NPAS1: variants seen among roughly 807,000 people sequenced by gnomAD.
NPAS1 encodes neuronal PAS domain protein 1, also known as neuronal PAS domain-containing protein 1.
NPAS1 carries 29 observed loss-of-function variants against 49.2 expected under a neutral mutation model. The observed-to-expected ratio is 0.59, with a 90% CI of 0.44 to 0.80. The LOEUF is 0.80. Ranked by LOEUF, NPAS1 falls within the 30% of genes least tolerant of loss-of-function variation. The pLI, the probability that NPAS1 is intolerant of heterozygous loss-of-function variation, is 0.00. For missense variants in NPAS1, 825 were observed against 835.5 expected (o/e 0.99, Z 0.15); for synonymous variants, 408 against 380.4 (o/e 1.07, Z -0.84).
At chr19:47,020,950 C>T (rs1392223116) in intron 1 of NPAS1, 56 bp from the exon 2 acceptor site, 2 of 881,142 alleles carry the variant, frequency 2.3e-6, no homozygotes, top group Non-Finnish European at 3.2e-6. Flanking sequence ...ATCTCAGTTT[C>T]CCTAGAAGGT....
At chr19:47,020,617 G>C (rs1462072382) in intron 1 of NPAS1, among the ~76,000 whole-genome samples, 1 of 151,786 alleles carries the variant, frequency 6.6e-6, no homozygotes, top group Admixed American at 6.6e-5. Context: ...AGAGGGCTCC[G>C]GGGGCTGGGG....
At position 47,043,788 on chromosome 19, in the gene NPAS1, G is replaced by C. The variant is rs181331070; in HGVS notation, c.1312+884G>C. On this transcript the variant is annotated intron_variant, in intron 11 of 11. Transcript: ENST00000602212. ...ATAAAATAAAATAAAATCCAGGCCC[G>C]GTGTGGTGGCTTATGCCTGTAAACC... Among the ~76,000 whole-genome samples, 25 of 151,998 alleles carry C rather than the reference G, an allele frequency of 1.6e-4. No individual in the cohort carries two copies. In the East Asian group the frequency reaches 4.8e-3, roughly 29 times the overall value.
rs189758300 is a variant in NPAS1, at chr19:47,025,290, T to A, written c.358+3443T>A. 2.8e-4 allele frequency among the ~76,000 whole-genome samples: 38 copies of A among 134,280 alleles called. 10 individuals are homozygous for A. In the East Asian group the frequency reaches 9.8e-3, roughly 34 times the overall value. The allele number at this position is 134,280 out of a possible 152,430, so 88.1% of individuals were successfully genotyped here. A position where few individuals can be genotyped will look rare whatever the true frequency, so the allele number is the denominator to read the frequency against. On this transcript the variant is annotated intron_variant, in intron 3 of 11. Transcript: ENST00000602212. ...AGGAGGGGTGACATCTTTATTTATT[T>A]ATTTATAGACGGAGTTTTGCTCTTG... is the stretch of plus-strand genomic sequence containing the variant.
rs2056912344 is a variant in NPAS1, at chr19:47,032,362, C to T, written c.432+11C>T. ...GGTCACATCTTGCAGGTGAGTGAGGCCCCTTCCCTGCCTGCCGCTCCTTGC... is the reference window on the plus strand; with the variant it reads ...GGTCACATCTTGCAGGTGAGTGAGGTCCCTTCCCTGCCTGCCGCTCCTTGC... On this transcript the variant is annotated intron_variant, in intron 4 of 11. Transcript: ENST00000602212. 6.2e-7 allele frequency: 1 copy of T among 1,613,364 alleles called. No homozygotes were observed. Among genetic ancestry groups the T allele is most frequent in the Non-Finnish European group, 8.5e-7 (1 of 1,179,480 alleles).
chr19:47,025,092 G>A lies in NPAS1; in HGVS notation c.358+3245G>A, dbSNP rs548180817. 8.2e-5 allele frequency among the ~76,000 whole-genome samples: 11 copies of A among 134,154 alleles called. 2 individuals are homozygous for A. Among genetic ancestry groups the A allele is most frequent in the Non-Finnish European group, 1.7e-4 (10 of 59,388 alleles). 88.0% of individuals were successfully genotyped at this position (134,154 alleles called of 152,430 possible). A position where few individuals can be genotyped will look rare whatever the true frequency, so the allele number is the denominator to read the frequency against. On this transcript the variant is annotated intron_variant, in intron 3 of 11. Transcript: ENST00000602212. Reference sequence around the variant, plus strand: ...ATTGCAGGCGTGAGGCGCCGTGCCCGGCTTTTACAGCCTTCTTTCTTCCCA... The same window carrying A: ...ATTGCAGGCGTGAGGCGCCGTGCCCAGCTTTTACAGCCTTCTTTCTTCCCA...
intron 6 of NPAS1, among the ~76,000 whole-genome samples, chr19:47,038,619 G>A (rs143216362): frequency 1.3e-5 from 2 of 151,940 alleles, no homozygotes; most frequent in African/African-American, 2.4e-5. Flanking sequence ...TTGAAGTCAG[G>A]AGTTCAAAAC....
At position 47,041,083 on chromosome 19, in the gene NPAS1, G is replaced by A. The variant is rs1287733031; in HGVS notation, c.1175G>A (p.Ser392Asn). The A allele has an allele frequency of 1.9e-6, 3 of 1,596,198 alleles. No homozygotes were observed. The Admixed American group carries it at 5.2e-5, about 28-fold the overall frequency. Residue 392 changes from serine (S) to asparagine (N), a missense_variant, in exon 10 of 12, where the codon AGC becomes AAC. Physicochemically the swap from Ser to Asn is conservative, Grantham distance 46. Coordinates refer to ENST00000602212, the MANE Select transcript of NPAS1 (RefSeq NM_002517.4). ...GCCACAGTGGCTGGGAGCGGGAAGA[G>A]CCCCGGGGAGCACCATGTGCTTTGG... ...SVATVAGSGK[S>N]PGEHHVLWVS...
intron 1 of NPAS1, 178 bp from the exon 2 acceptor site, chr19:47,020,828 C>G: frequency 2.6e-6 from 1 of 385,652 alleles, no homozygotes; most frequent in Non-Finnish European, 4.6e-6. Context: ...ACCCGGAGCG[C>G]CAGCCCCGGG....
intron 5 of NPAS1, among the ~76,000 whole-genome samples, chr19:47,033,975 TAAAAAAAAAAAAAA>T (rs532811476): frequency 5.0e-5 from 5 of 100,848 alleles, no homozygotes; most frequent in Admixed American, 1.1e-4. Flanking sequence ...GGCTATGCCT[TAAAAAAAAAAAAAA>T]AAAAAAAAAA....
rs1444074593 is a variant in NPAS1 at position 47,045,361 on chromosome 19, A to T, written c.1483A>T (p.Thr495Ser). 38 of 1,613,514 alleles carry T rather than the reference A, an allele frequency of 2.4e-5. No homozygotes were observed. The highest frequency in any genetic ancestry group is 3.0e-5 in the Non-Finnish European group (35 of 1,179,948). Residue 495 changes from threonine to serine, a missense_variant, in exon 12 of 12, where the codon ACC becomes TCC. Transcript: ENST00000602212. ...CCCGGCCACACCGAGGCCCGAGTTC[A>T]CCTCTGTCATCCGGGCAGGGGTCCT... ...SHPATPRPEF[T>S]SVIRAGVLKQ...
Position 47,021,276 on chromosome 19 carries a change from C to A in NPAS1, c.122+107C>A. ...GCAGTTCACACCCAGCTCCCTGACC[C>A]GCCCCTTAGGGCTAGAAGGTCTTAC... On this transcript the variant is annotated intron_variant, in intron 2 of 11. Transcript: ENST00000602212. This position sits in a 1 kb window ranked among gnomAD's most constrained non-coding sequence, Gnocchi z 5.7. 2 of 1,029,758 alleles carry A rather than the reference C, an allele frequency of 1.9e-6. No individual in the cohort carries two copies. Among genetic ancestry groups the A allele is most frequent in the Non-Finnish European group, 2.7e-6 (2 of 730,580 alleles). 63.8% of individuals were successfully genotyped at this position (1,029,758 alleles called of 1,614,324 possible).
intron 9 of NPAS1, 78 bp downstream of exon 9, chr19:47,040,628 CCTT>C (rs2057008833): frequency 3.0e-6 from 3 of 1,008,522 alleles, no homozygotes; most frequent in African/African-American, 1.6e-5. Context: ...CCCTGGAAGT[CCTT>C]CTTCAGGGCT....
Position 47,032,361 on chromosome 19 carries a change from G to A in NPAS1, c.432+10G>A. Reference sequence around the variant, plus strand: ...AGGTCACATCTTGCAGGTGAGTGAGGCCCCTTCCCTGCCTGCCGCTCCTTG... The same window carrying A: ...AGGTCACATCTTGCAGGTGAGTGAGACCCCTTCCCTGCCTGCCGCTCCTTG... On this transcript the variant is annotated intron_variant, in intron 4 of 11. Transcript: ENST00000602212. The A allele has an allele frequency of 6.2e-7, 1 of 1,613,504 alleles. No homozygotes were observed. The highest frequency in any genetic ancestry group is 8.5e-7 in the Non-Finnish European group (1 of 1,179,618).
intron 9 of NPAS1, 190 bp downstream of exon 9, chr19:47,040,740 G>A (rs3745616): frequency 8.7e-6 from 5 of 572,844 alleles, no homozygotes; most frequent in Middle Eastern, 9.2e-4. Flanking sequence ...TGTGTGTGTG[G>A]GGGGGGGGTC....
intron 4 of NPAS1, 98 bp downstream of exon 4, chr19:47,032,449 G>A: frequency 1.5e-6 from 2 of 1,346,852 alleles, no homozygotes; most frequent in Non-Finnish European, 2.1e-6. Context: ...ATTGTGGGGG[G>A]TACCTGGACT....
At chr19:47,024,895 C>T (rs999554486) in intron 3 of NPAS1, among the ~76,000 whole-genome samples, 13 of 134,840 alleles carry the variant, frequency 9.6e-5, no homozygotes, top group South Asian at 2.3e-4. Flanking sequence ...CTGCAATCTC[C>T]GCCTCCTGGG....
Position 47,021,204 on chromosome 19 carries a change from C to CG in NPAS1, c.122+35_122+36insG. On this transcript the variant is annotated intron_variant, in intron 2 of 11. Coordinates refer to ENST00000602212, the MANE Select transcript of NPAS1 (RefSeq NM_002517.4). This position sits in a 1 kb window ranked among gnomAD's most constrained non-coding sequence, Gnocchi z 5.7. ...GCCCCGCCCCCCTGGCCGCGGGCCC[C>CG]CCCCCGGGTCCAATTCACACCCGAT... 1 of 1,482,990 alleles carries CG rather than the reference C, an allele frequency of 6.7e-7. No homozygotes were observed. Among genetic ancestry groups the CG allele is most frequent in the Non-Finnish European group, 9.0e-7 (1 of 1,112,292 alleles). The allele number at this position is 1,482,990 out of a possible 1,614,324, so 91.9% of individuals were successfully genotyped here. A position where few individuals can be genotyped will look rare whatever the true frequency, so the allele number is the denominator to read the frequency against.
intron 10 of NPAS1, among the ~76,000 whole-genome samples, chr19:47,042,603 G>A (rs532492766): frequency 2.0e-5 from 3 of 152,210 alleles, no homozygotes; most frequent in Non-Finnish European, 4.4e-5. Context: ...GGCTATCCAG[G>A]TCTGGCCTTA....
chr19:47,025,777 G>A (rs1478117803), intron 3 of NPAS1, among the ~76,000 whole-genome samples: 3 of 151,874 alleles, frequency 2.0e-5, no homozygotes, highest in Non-Finnish European at 4.4e-5. Context: ...GTCTCACCAT[G>A]TTGCCCAGGC....
Sources: gnomAD v4.1 joint callset for allele counts (sites outside exome capture counted in the v4.1 genomes callset) on GRCh38, gnomAD v4.1.1 for gene constraint, Gnocchi (gnomAD v3.1) non-coding constraint, MANE v1.5 for transcripts, NCBI Gene and HGNC (gene_info 2026-07-23, HGNC 2026-07-21) for gene names.